Variants in RAB3GAP1 observed in about 807,000 individuals in gnomAD.
The protein encoded by RAB3GAP1 is RAB3 GTPase activating protein catalytic subunit 1.
A neutral mutation model predicts 130.7 loss-of-function variants in RAB3GAP1; 86 were observed. That is an observed-to-expected ratio of 0.66 (90% CI 0.55 to 0.79). The LOEUF (loss-of-function observed/expected upper bound fraction) is 0.79, where lower values mean the gene tolerates loss of function less well. Ranked by LOEUF, RAB3GAP1 falls within the 30% of genes least tolerant of loss-of-function variation. The probability of loss-of-function intolerance (pLI) is 0.00; values close to 1 mark genes in which losing one functional copy is unlikely to be tolerated. For missense variants in RAB3GAP1, 1,029 were observed against 1,169.4 expected (o/e 0.88, Z 1.75); for synonymous variants, 367 against 401.7 (o/e 0.91, Z 1.03).
chr2:135,130,699 A>T lies in RAB3GAP1; in HGVS notation c.1214A>T (p.Asp405Val), dbSNP rs1259081793. Residue 405 changes from aspartate (D) to valine (V), a missense_variant, in exon 13 of 24, where the codon GAT becomes GTT. By Grantham distance (152) the Asp-to-Val change is radical. Coordinates refer to ENST00000264158, the MANE Select transcript of RAB3GAP1 (RefSeq NM_012233.3). ...RGVEESPLNN[D>V]VLNTILLFLF... ...GTAGAGGAGTCACCGCTAAATAATG[A>T]TGTTCTTAATACTATTCTCCTGGTA... 10 of 1,613,464 alleles carry T rather than the reference A, an allele frequency of 6.2e-6. No individual in the cohort carries two copies. Among genetic ancestry groups the T allele is most frequent in the Non-Finnish European group, 8.5e-6 (10 of 1,179,486 alleles).
At chr2:135,079,882 C>A (rs1311491809) in intron 3 of RAB3GAP1, among the ~76,000 whole-genome samples, 1 of 152,138 alleles carries the variant, frequency 6.6e-6, no homozygotes, top group Non-Finnish European at 1.5e-5. Context: ...GTAATCCCAG[C>A]ACTTTGGGAG....
At chr2:135,109,214 A>C (rs1690720574) in intron 5 of RAB3GAP1, among the ~76,000 whole-genome samples, 1 of 152,056 alleles carries the variant, frequency 6.6e-6, no homozygotes. Context: ...CCTCACGATA[A>C]CTTGCTGAGA....
Position 135,135,688 on chromosome 2 carries a change from A to C in RAB3GAP1, c.1679A>C (p.Asn560Thr). 1 of 1,614,158 alleles carries C rather than the reference A, an allele frequency of 6.2e-7. No homozygotes were observed. Among genetic ancestry groups the C allele is most frequent in the Non-Finnish European group, 8.5e-7 (1 of 1,180,004 alleles). The change falls in exon 17 of 24, where the codon AAT (asparagine) becomes ACT (threonine). Residue 560 changes from asparagine to threonine, a missense_variant. By Grantham distance (65) the Asn-to-Thr change is moderately conservative. Transcript: ENST00000264158. The part of the protein sequence containing the change: ...GKAGDQLVPD[N>T]LKETDKEKGE... ...GCAGGAGACCAGTTGGTGCCAGATA[A>C]TCTAAAAGAAACAGATAAGGAAAAG...
rs145851401 is a variant in RAB3GAP1 at position 135,109,488 on chromosome 2, CATAGAT to C, written c.363-3659_363-3654del. 2.8e-3 allele frequency among the ~76,000 whole-genome samples: 424 copies of C among 151,696 alleles called. 2 individuals carry two copies. The highest frequency in any genetic ancestry group is 1.0e-2 in the African/African-American group (413 of 41,344). ...TGCATTTGTATGAATGGTTTTGTAG[CATAGAT>C]ATAAAGAAATATGTAATTCGTTTGA... On this transcript the variant is annotated intron_variant, in intron 5 of 23. Coordinates refer to ENST00000264158, the MANE Select transcript of RAB3GAP1 (RefSeq NM_012233.3).
At chr2:135,110,678 C>T (rs1690777094) in intron 5 of RAB3GAP1, among the ~76,000 whole-genome samples, 1 of 152,002 alleles carries the variant, frequency 6.6e-6, no homozygotes, top group East Asian at 1.9e-4. Context: ...TTCTTTTATC[C>T]AGCAACCACT....
chr2:135,090,897 A>G (rs771411326), intron 3 of RAB3GAP1, 101 bp from the exon 4 acceptor site: 14 of 1,060,088 alleles, frequency 1.3e-5, no homozygotes, highest in African/African-American at 3.1e-5. Context: ...TATGGAGGAT[A>G]TTTATAGGGC....
At chr2:135,055,381 T>C (rs1293621634) in intron 2 of RAB3GAP1, among the ~76,000 whole-genome samples, 2 of 152,224 alleles carry the variant, frequency 1.3e-5, no homozygotes, top group Non-Finnish European at 2.9e-5. Context: ...ACAATAAGTA[T>C]TTTAAGACAT....
chr2:135,102,323 G>C (rs981255220), intron 5 of RAB3GAP1, among the ~76,000 whole-genome samples: 8 of 152,220 alleles, frequency 5.3e-5, no homozygotes, highest in African/African-American at 1.7e-4. Context: ...TTCTGCGCTA[G>C]AGCATCCCGA....
At chr2:135,167,255 C>G (rs1438098047) in intron 23 of RAB3GAP1, among the ~76,000 whole-genome samples, 1 of 152,070 alleles carries the variant, frequency 6.6e-6, no homozygotes, top group Non-Finnish European at 1.5e-5. Context: ...ATAGGTATCT[C>G]TGGTATGTAC....
chr2:135,060,321 A>T (rs929775372), intron 3 of RAB3GAP1, among the ~76,000 whole-genome samples: 134 of 142,318 alleles, frequency 9.4e-4, no homozygotes, highest in African/African-American at 3.4e-3. Context: ...GTGCAGTGAC[A>T]TGATCTCAGC....
chr2:135,124,129 T>G, intron 8 of RAB3GAP1, 36 bp from the exon 9 acceptor site: 6 of 1,582,714 alleles, frequency 3.8e-6, no homozygotes, highest in African/African-American at 1.3e-5. Context: ...TTCTTTATTT[T>G]TTCCCAAATG....
intron 2 of RAB3GAP1, among the ~76,000 whole-genome samples, chr2:135,052,722 GT>G (rs1488893571): frequency 6.6e-6 from 1 of 152,180 alleles, no homozygotes; most frequent in Non-Finnish European, 1.5e-5. Flanking sequence ...CTCTCAGAAA[GT>G]TTTGTTTTCT....
At position 135,134,045 on chromosome 2, in the gene RAB3GAP1, A is replaced by C. The variant is rs758257339; in HGVS notation, c.1499+12A>C. ...TTTCTGATTCCAGGGTAATAATTTC[A>C]ATTTTCAATTGTTTGGATACGATTT... On this transcript the variant is annotated intron_variant, in intron 15 of 23. Coordinates refer to ENST00000264158, the MANE Select transcript of RAB3GAP1 (RefSeq NM_012233.3). The C allele has an allele frequency of 2.5e-6, 4 of 1,613,294 alleles. No individual in the cohort carries two copies. The highest frequency in any genetic ancestry group is 3.4e-6 in the Non-Finnish European group (4 of 1,179,492).
chr2:135,137,836 T>G (rs1300373519), intron 17 of RAB3GAP1, among the ~76,000 whole-genome samples: 4 of 151,894 alleles, frequency 2.6e-5, no homozygotes, highest in South Asian at 2.1e-4. Flanking sequence ...TTTTGTTGTT[T>G]TTTTTTTGAC....
intron 3 of RAB3GAP1, among the ~76,000 whole-genome samples, chr2:135,074,912 A>G (rs1181210994): frequency 6.6e-6 from 1 of 152,150 alleles, no homozygotes; most frequent in Non-Finnish European, 1.5e-5. Flanking sequence ...TATGGACGAG[A>G]TATTTGGGAA....
intron 3 of RAB3GAP1, among the ~76,000 whole-genome samples, chr2:135,083,693 G>A (rs750011173): frequency 2.6e-4 from 39 of 149,010 alleles, no homozygotes; most frequent in Non-Finnish European, 5.3e-4. Flanking sequence ...CTAAACTCTT[G>A]GCCTCAAGCA....
chr2:135,131,260 T>C (rs1252679530), intron 13 of RAB3GAP1, among the ~76,000 whole-genome samples: 1 of 152,218 alleles, frequency 6.6e-6, no homozygotes, highest in Non-Finnish European at 1.5e-5. Flanking sequence ...GAAGTCTCGC[T>C]CTGTCACCCA....
intron 3 of RAB3GAP1, among the ~76,000 whole-genome samples, chr2:135,068,124 A>T (rs955594540): frequency 1.3e-5 from 2 of 152,312 alleles, no homozygotes; most frequent in Admixed American, 1.3e-4. Flanking sequence ...TTAACACTCT[A>T]TTGCAATAAA....
At chr2:135,053,026 T>C (rs1433643928) in intron 2 of RAB3GAP1, among the ~76,000 whole-genome samples, 1 of 152,222 alleles carries the variant, frequency 6.6e-6, no homozygotes, top group Non-Finnish European at 1.5e-5. Context: ...AGTCTCAGTC[T>C]GTCCGCCCAG....
Sources: allele counts gnomAD v4.1 joint callset (sites outside exome capture counted in the v4.1 genomes callset), GRCh38; gene constraint gnomAD v4.1.1; transcripts MANE v1.5; gene names NCBI Gene and HGNC (gene_info 2026-07-23, HGNC 2026-07-21).